The following LEPR variants were observed in gnomAD, a reference collection of about 807,000 sequenced individuals.
LEPR encodes the protein leptin receptor.
LEPR carries 56 observed loss-of-function variants against 114.7 expected under a neutral mutation model. The ratio of observed to expected loss-of-function variants is 0.49; its 90% CI spans 0.39 to 0.61. The LOEUF is 0.61. Ranked by LOEUF, LEPR falls within the 20% of genes least tolerant of loss-of-function variation. The probability of loss-of-function intolerance (pLI) is 0.00; values close to 1 mark genes in which losing one functional copy is unlikely to be tolerated. For missense variants in LEPR, 1,202 were observed against 1,352.9 expected (o/e 0.89, Z 1.75); for synonymous variants, 443 against 461.4 (o/e 0.96, Z 0.51).
intron 2 of LEPR, among the ~76,000 whole-genome samples, chr1:65,498,609 G>A (rs1648286269): frequency 1.3e-5 from 2 of 152,140 alleles, no homozygotes; most frequent in East Asian, 3.9e-4. Flanking sequence ...GCAACAATAA[G>A]TGCATTTATT....
intron 6 of LEPR, among the ~76,000 whole-genome samples, chr1:65,594,464 G>A (rs910216293): frequency 9.9e-5 from 15 of 152,026 alleles, no homozygotes; most frequent in Non-Finnish European, 1.6e-4. Flanking sequence ...AGTGGATGGA[G>A]TTGTAGAGTG....
chr1:65,499,796 T>C (rs1422132796), intron 2 of LEPR, among the ~76,000 whole-genome samples: 3 of 152,178 alleles, frequency 2.0e-5, no homozygotes, highest in African/African-American at 7.2e-5. Flanking sequence ...CAAGTATTTG[T>C]ATAAAATTTT....
chr1:65,600,033 A>G (rs1208676693), intron 8 of LEPR, among the ~76,000 whole-genome samples: 1 of 152,128 alleles, frequency 6.6e-6, no homozygotes, highest in Non-Finnish European at 1.5e-5. Context: ...TACTATATGT[A>G]TTTGATTTCA....
At chr1:65,525,658 T>G (rs1649895450) in intron 2 of LEPR, 2 of 985,482 alleles carry the variant, frequency 2.0e-6, no homozygotes, top group African/African-American at 3.5e-5. Context: ...CGCACTCGGC[T>G]GCCCTCCTCC....
intron 2 of LEPR, among the ~76,000 whole-genome samples, chr1:65,533,542 G>A (rs368932139): frequency 5.3e-4 from 80 of 152,120 alleles, no homozygotes; most frequent in African/African-American, 1.7e-3. Flanking sequence ...CTGCTTAAGT[G>A]AATGTTCGAT....
intron 2 of LEPR, among the ~76,000 whole-genome samples, chr1:65,553,837 T>C (rs958630926): frequency 2.6e-5 from 4 of 152,206 alleles, no homozygotes; most frequent in African/African-American, 9.6e-5. Context: ...CTCATCTTCA[T>C]GGATTTATCT....
chr1:65,433,250 A>G (rs1646513300), intron 2 of LEPR: 4 of 985,090 alleles, frequency 4.1e-6, no homozygotes, highest in Non-Finnish European at 4.8e-6. Context: ...TATAGGAGCC[A>G]TGTAAGCACG....
At chr1:65,501,349 T>C (rs1648440196) in intron 2 of LEPR, among the ~76,000 whole-genome samples, 1 of 151,786 alleles carries the variant, frequency 6.6e-6, no homozygotes, top group Admixed American at 6.6e-5. Context: ...AGGCATTCCT[T>C]GTTCTGTGGC....
chr1:65,526,182 C>T (rs1649953823), intron 2 of LEPR: 1 of 984,908 alleles, frequency 1.0e-6, no homozygotes, highest in Non-Finnish European at 1.2e-6. Context: ...GGGACTGCCA[C>T]CTAAAACAGT....
intron 2 of LEPR, among the ~76,000 whole-genome samples, chr1:65,469,364 C>A (rs1647055001): frequency 6.6e-6 from 1 of 152,176 alleles, no homozygotes. Flanking sequence ...AGAACTAGAA[C>A]ATCACAGGGT....
At chr1:65,590,316 T>C (rs924394415) in intron 5 of LEPR, among the ~76,000 whole-genome samples, 27 of 127,012 alleles carry the variant, frequency 2.1e-4, no homozygotes, top group African/African-American at 7.8e-4. Flanking sequence ...TTTCAGTTTT[T>C]ATATTCTTAA....
Position 65,529,171 on chromosome 1 carries a change from T to C in LEPR, c.-20-36375T>C, listed in dbSNP as rs1156259898. On this transcript the variant is annotated intron_variant, in intron 2 of 19. Transcript: ENST00000349533. ...AAATCATAGATTATTTTGCTTAACA[T>C]TATGTTTATGAGATTAAGGGATTTC... 2.6e-5 allele frequency among the ~76,000 whole-genome samples: 4 copies of C among 152,044 alleles called. No homozygotes were observed. In the East Asian group the frequency reaches 5.8e-4, roughly 22 times the overall value.
chr1:65,502,568 G>A (rs182889630), intron 2 of LEPR, among the ~76,000 whole-genome samples: 110 of 152,240 alleles, frequency 7.2e-4, no homozygotes, highest in Middle Eastern at 6.8e-3. Context: ...AGCGGATGGA[G>A]AAAGGGAATA....
At chr1:65,457,788 T>C (rs533254175) in intron 2 of LEPR, among the ~76,000 whole-genome samples, 3 of 152,224 alleles carry the variant, frequency 2.0e-5, no homozygotes, top group Non-Finnish European at 4.4e-5. Flanking sequence ...GTTTCTTTTC[T>C]TTTTAAATTT....
chr1:65,575,834 C>T (rs573526639), intron 5 of LEPR, among the ~76,000 whole-genome samples: 3 of 151,490 alleles, frequency 2.0e-5, no homozygotes, highest in Non-Finnish European at 2.9e-5. Context: ...ATTCTGATTT[C>T]CTTCTATAAG....
At chr1:65,511,055 G>C (rs1301796978) in intron 2 of LEPR, among the ~76,000 whole-genome samples, 1 of 152,140 alleles carries the variant, frequency 6.6e-6, no homozygotes, top group Non-Finnish European at 1.5e-5. Context: ...AATTGTTTTA[G>C]AGCTAAAGAA....
intron 2 of LEPR, chr1:65,435,340 G>A (rs190608216): frequency 1.0e-6 from 1 of 979,064 alleles, no homozygotes; most frequent in East Asian, 1.1e-4. Context: ...TGCTTAGGTG[G>A]TGTCACAAAA....
At chr1:65,543,323 T>C (rs919357003) in intron 2 of LEPR, among the ~76,000 whole-genome samples, 2 of 152,008 alleles carry the variant, frequency 1.3e-5, no homozygotes, top group Non-Finnish European at 2.9e-5. Flanking sequence ...TGTTTTTTTC[T>C]TATAAATTTG....
chr1:65,626,233 T>C, intron 19 of LEPR: 6 of 1,518,472 alleles, frequency 4.0e-6, no homozygotes. Context: ...GTGTGCACAA[T>C]GCTGCCACAG....
Sources: gnomAD v4.1 joint callset for allele counts (sites outside exome capture counted in the v4.1 genomes callset) on GRCh38, gnomAD v4.1.1 for gene constraint, MANE v1.5 for transcripts, NCBI Gene and HGNC (gene_info 2026-07-23, HGNC 2026-07-21) for gene names.